Variants in MTOR observed in about 807,000 individuals in gnomAD.
The protein encoded by MTOR is mechanistic target of rapamycin kinase.
Under a neutral mutation model 319.8 loss-of-function variants are expected in MTOR, and 70 were observed. The ratio of observed to expected loss-of-function variants is 0.22; its 90% CI spans 0.18 to 0.27. The LOEUF is 0.27. Among genes scored for constraint, MTOR ranks in the 10% least tolerant of loss-of-function variants. The pLI, the probability that MTOR is intolerant of heterozygous loss-of-function variation, is 1.00. For missense variants in MTOR, 1,890 were observed against 3,274.4 expected, an observed-to-expected ratio of 0.58 and a Z score of 10.32; for synonymous variants, 1,183 against 1,211.4, an observed-to-expected ratio of 0.98 and a Z score of 0.49.
intron 28 of MTOR, among the ~76,000 whole-genome samples, chr1:11,170,549 C>T (rs1264397659): frequency 6.6e-6 from 1 of 151,248 alleles, no homozygotes; most frequent in African/African-American, 2.4e-5. Context: ...GACCCCATCT[C>T]TATTAAAGAA....
chr1:11,207,065 A>G (rs1050768887), intron 25 of MTOR, among the ~76,000 whole-genome samples: 1 of 152,178 alleles, frequency 6.6e-6, no homozygotes, highest in Non-Finnish European at 1.5e-5. Context: ...AGGAGGCACA[A>G]TTTACTTCTG....
chr1:11,223,496 T>G (rs1014634855), intron 19 of MTOR, among the ~76,000 whole-genome samples: 1 of 152,064 alleles, frequency 6.6e-6, no homozygotes, highest in African/African-American at 2.4e-5. Context: ...AGGTAAGAGA[T>G]AAAACCAAAT....
At chr1:11,134,886 T>C (rs1488617797) in intron 36 of MTOR, among the ~76,000 whole-genome samples, 4 of 152,232 alleles carry the variant, frequency 2.6e-5, no homozygotes, top group Non-Finnish European at 5.9e-5. Flanking sequence ...CCAGGGTACC[T>C]TGGACAGTCC....
rs2100356283 is a variant in MTOR, at chr1:11,121,227, G to A, written c.6933+19C>T. 1 of 1,611,880 alleles carries A rather than the reference G, an allele frequency of 6.2e-7. No homozygotes were observed. On this transcript the variant is annotated intron_variant, in intron 49 of 57. Coordinates refer to ENST00000361445, the MANE Select transcript of MTOR (RefSeq NM_004958.4). The surrounding 1 kb of genome is among the most constrained non-coding windows in gnomAD (Gnocchi z 4.9). Reference sequence around the variant, plus strand: ...GGGGGTTCCAGGAGAGCGCAGGTCTGCAGGGCCCAGTGGCCTACCTCGGAG... The same window carrying A: ...GGGGGTTCCAGGAGAGCGCAGGTCTACAGGGCCCAGTGGCCTACCTCGGAG...
rs1642953320 is a variant in MTOR, at chr1:11,128,390, C to A, written c.5910+64G>T. ...TCCTGCGCTTGTGTCGCCAGGGCAGCTTTTGGAAAGGCTGACCACCAAACC... is the reference window on the plus strand; with the variant it reads ...TCCTGCGCTTGTGTCGCCAGGGCAGATTTTGGAAAGGCTGACCACCAAACC... On this transcript the variant is annotated intron_variant, in intron 42 of 57. Coordinates refer to ENST00000361445, the MANE Select transcript of MTOR (RefSeq NM_004958.4). The surrounding 1 kb of genome is among the most constrained non-coding windows in gnomAD (Gnocchi z 5.3). 2 of 1,541,740 alleles carry A rather than the reference C, an allele frequency of 1.3e-6. No individual in the cohort carries two copies. Among genetic ancestry groups the A allele is most frequent in the Non-Finnish European group, 1.8e-6 (2 of 1,116,426 alleles).
At chr1:11,254,259 C>T (rs977511803) in intron 5 of MTOR, among the ~76,000 whole-genome samples, 53 of 152,106 alleles carry the variant, frequency 3.5e-4, no homozygotes, top group African/African-American at 1.2e-3. Context: ...CCTGCCTCAG[C>T]CCCCTGAGTA....
rs1357270590 is a variant in MTOR, at chr1:11,127,944, A to ACTTG, written c.6033+56_6033+59dup. On this transcript the variant is annotated intron_variant, in intron 43 of 57. Coordinates refer to ENST00000361445, the MANE Select transcript of MTOR (RefSeq NM_004958.4). This position sits in a 1 kb window ranked among gnomAD's most constrained non-coding sequence, Gnocchi z 5.5. ...CAATGCGAGGAAGAAAAACAATCCC[A>ACTTG]CTTGCGCCCACCAGCTAAGGGACCA... 1 of 1,604,678 alleles carries ACTTG rather than the reference A, an allele frequency of 6.2e-7. No individual in the cohort carries two copies. The highest frequency in any genetic ancestry group is 1.3e-5 in the African/African-American group (1 of 74,610).
rs759415950 is a variant in MTOR at position 11,128,133 on chromosome 1, G to C, written c.5911-7C>G. The C allele has an allele frequency of 6.2e-7, 1 of 1,612,790 alleles. No homozygotes were observed. The highest frequency in any genetic ancestry group is 8.5e-7 in the Non-Finnish European group (1 of 1,179,656). On this transcript the variant is annotated splice_region_variant and splice_polypyrimidine_tract_variant and intron_variant, in intron 42 of 57. Transcript: ENST00000361445. This position sits in a 1 kb window ranked among gnomAD's most constrained non-coding sequence, Gnocchi z 5.3. ...TCAGTGGGTAGATGAGGGCCTGAGG[G>C]AAAAACAGAAGAAACATCTATAAAG...
chr1:11,158,104 A>C (rs1644372184), intron 29 of MTOR, among the ~76,000 whole-genome samples: 1 of 152,046 alleles, frequency 6.6e-6, no homozygotes, highest in African/African-American at 2.4e-5. Flanking sequence ...TGATCAGGAG[A>C]CTGTTTTATA....
chr1:11,240,576 G>A (rs1647872262), intron 10 of MTOR, 29 bp from the exon 11 acceptor site: 1 of 1,606,052 alleles, frequency 6.2e-7, no homozygotes, highest in Non-Finnish European at 8.5e-7. Context: ...GTCACATAAG[G>A]GCTGGGCACA....
At chr1:11,181,873 T>C (rs1014151109) in intron 28 of MTOR, among the ~76,000 whole-genome samples, 2 of 152,182 alleles carry the variant, frequency 1.3e-5, no homozygotes, top group African/African-American at 4.8e-5. Context: ...AAGAGAAACA[T>C]GTTCTTTGCT....
Position 11,109,571 on chromosome 1 carries a change from C to T in MTOR, c.7447+78G>A. ...CAGTTTTGTTGCTTCATCTTGTTGA[C>T]CCCTCTCAGGGTATAACACAGCTGC... On this transcript the variant is annotated intron_variant, in intron 55 of 57. Coordinates refer to ENST00000361445, the MANE Select transcript of MTOR (RefSeq NM_004958.4). The surrounding 1 kb of genome is among the most constrained non-coding windows in gnomAD (Gnocchi z 4.0). The T allele has an allele frequency of 7.0e-7, 1 of 1,424,046 alleles. No individual in the cohort carries two copies. The allele number at this position is 1,424,046 out of a possible 1,614,324, so 88.2% of individuals were successfully genotyped here. A position where few individuals can be genotyped will look rare whatever the true frequency, so the allele number is the denominator to read the frequency against.
chr1:11,206,212 G>C (rs1571164205), intron 25 of MTOR, among the ~76,000 whole-genome samples: 1 of 152,228 alleles, frequency 6.6e-6, no homozygotes, highest in East Asian at 1.9e-4. Flanking sequence ...TTCCCTACAA[G>C]ATGGGTTTGT....
At chr1:11,261,292 C>T (rs1651094806) in intron 1 of MTOR, among the ~76,000 whole-genome samples, 1 of 150,188 alleles carries the variant, frequency 6.7e-6, no homozygotes, top group Admixed American at 6.6e-5. Flanking sequence ...GGTGAAATCC[C>T]GCCTCTACTA....
intron 6 of MTOR, among the ~76,000 whole-genome samples, chr1:11,253,631 C>T (rs1201069467): frequency 6.6e-6 from 1 of 152,136 alleles, no homozygotes; most frequent in African/African-American, 2.4e-5. Context: ...TTCCTTGACC[C>T]TCCACTCACC....
At chr1:11,132,915 GA>G in intron 38 of MTOR, 164 bp downstream of exon 38, 1 of 634,110 alleles carries the variant, frequency 1.6e-6, no homozygotes, top group Non-Finnish European at 2.8e-6. Flanking sequence ...CTTGTAGGGG[GA>G]AATGCAGGCT....
chr1:11,210,588 A>C (rs1030443300), intron 24 of MTOR, among the ~76,000 whole-genome samples: 1 of 152,240 alleles, frequency 6.6e-6, no homozygotes, highest in Non-Finnish European at 1.5e-5. Context: ...TTTTAGTGGA[A>C]TGCAGCCAGG....
chr1:11,231,483 A>C, intron 16 of MTOR, 49 bp from the exon 17 acceptor site: 1 of 1,605,472 alleles, frequency 6.2e-7, no homozygotes. Context: ...GAGAGAAAAG[A>C]AAGCATAGTT....
In MTOR at chr1:11,128,486, G is replaced by A; in HGVS notation, c.5878C>T (p.Leu1960Phe). Residue 1960 changes from leucine (L) to phenylalanine (F), a missense_variant, in exon 42 of 58, where the codon CTT becomes TTT. Leu to Phe is a conservative substitution (Grantham distance 22). Around this residue, in one of 15 missense-constraint regions of MTOR, gnomAD observed 249 missense variants for 596.2 expected, o/e 0.42. Transcript: ENST00000361445. The surrounding 1 kb of genome is among the most constrained non-coding windows in gnomAD (Gnocchi z 5.3). The stretch of plus-strand genomic sequence containing the variant: ...TGGTACCGACCAATGTCTGTGAGAA[G>A]CTGGTGAATGAGACGTCCCACCAAG... The part of the protein sequence containing the change: ...RPLVGRLIHQ[L>F]LTDIGRYHPQ... 1 of 1,614,202 alleles carries A rather than the reference G, an allele frequency of 6.2e-7. No homozygotes were observed. Among genetic ancestry groups the A allele is most frequent in the Non-Finnish European group, 8.5e-7 (1 of 1,180,042 alleles).
Sources: allele counts gnomAD v4.1 joint callset (sites outside exome capture counted in the v4.1 genomes callset), GRCh38; gene constraint gnomAD v4.1.1; regional missense constraint gnomAD v4.1.1; non-coding constraint Gnocchi (gnomAD v3.1); transcripts MANE v1.5; gene names NCBI Gene and HGNC (gene_info 2026-07-23, HGNC 2026-07-21).